TMEM178B: variants seen among roughly 807,000 people sequenced by gnomAD.
TMEM178B encodes transmembrane protein 178B.
A neutral mutation model predicts 31.0 loss-of-function variants in TMEM178B; 5 were observed. That is an observed-to-expected ratio of 0.16 (90% CI 0.08 to 0.34). The LOEUF (loss-of-function observed/expected upper bound fraction) is 0.34. Ranked by LOEUF, TMEM178B falls within the 10% of genes least tolerant of loss-of-function variation. TMEM178B has a pLI of 1.00. For missense variants in TMEM178B, 275 were observed against 400.3 expected (o/e 0.69, Z 2.67); for synonymous variants, 164 against 164.0 (o/e 1.00, Z 0.00).
intron 1 of TMEM178B, among the ~76,000 whole-genome samples, chr7:141,188,908 G>T (rs938657458): frequency 1.3e-5 from 2 of 152,244 alleles, no homozygotes; most frequent in Admixed American, 1.3e-4. Context: ...TGGTAATGCT[G>T]AGCTAGAAGG....
chr7:141,374,724 A>G (rs1302024364), intron 2 of TMEM178B, among the ~76,000 whole-genome samples: 2 of 151,868 alleles, frequency 1.3e-5, no homozygotes, highest in Non-Finnish European at 2.9e-5. Flanking sequence ...ACTTGATTTT[A>G]CTCCGGTGTT....
the TMEM178B span, among the ~76,000 whole-genome samples, chr7:141,503,611 A>C: frequency 1.1e-4 from 16 of 152,172 alleles, no homozygotes; most frequent in Non-Finnish European, 1.6e-4. Flanking sequence ...CATTTCTGTC[A>C]CCTGAAGAAA....
chr7:141,198,026 C>A (rs970517105), intron 1 of TMEM178B, among the ~76,000 whole-genome samples: 1 of 148,804 alleles, frequency 6.7e-6, no homozygotes, highest in African/African-American at 2.5e-5. Flanking sequence ...AACTCAGTTC[C>A]CCCCAGTTCT....
In TMEM178B at chr7:141,301,649, G is replaced by A. The variant is rs572371521; in HGVS notation, c.496+88945G>A. ...TTAATTATTCCAAGAGCAGTGTTTC[G>A]TAGGTGTGTGTGAAGGTCAGGAACA... On this transcript the variant is annotated intron_variant, in intron 2 of 3. Transcript: ENST00000565468. Among the ~76,000 whole-genome samples the A allele has an allele frequency of 7.9e-5, 12 of 152,260 alleles. 1 individual carries two copies. In the East Asian group the frequency reaches 9.6e-4, roughly 12 times the overall value.
In TMEM178B at chr7:141,165,620, C is replaced by T. The variant is rs372815022; in HGVS notation, c.383-46971C>T. Among the ~76,000 whole-genome samples, 68 of 152,322 alleles carry T rather than the reference C, an allele frequency of 4.5e-4. No homozygotes were observed. In the South Asian group the frequency reaches 0.014, roughly 31 times the overall value. ...AGCTCACACTCAAGGAAGGAACATT[C>T]AGCTCCACCTCCTGGAACCCCCTCC... On this transcript the variant is annotated intron_variant, in intron 1 of 3. Transcript: ENST00000565468.
At chr7:141,501,847 G>GCTCTCTCTCT in the TMEM178B span, among the ~76,000 whole-genome samples, 3 of 148,760 alleles carry the variant, frequency 2.0e-5, no homozygotes, top group Non-Finnish European at 3.0e-5. Context: ...AGTCTCTCAT[G>GCTCTCTCTCT]CTCTCTCTCT....
intron 2 of TMEM178B, among the ~76,000 whole-genome samples, chr7:141,375,069 T>C (rs146690684): frequency 6.6e-6 from 1 of 152,368 alleles, no homozygotes; most frequent in Non-Finnish European, 1.5e-5. Flanking sequence ...GACAGATACT[T>C]TCCCTTCAAG....
chr7:141,183,369 G>A (rs1162105027), intron 1 of TMEM178B, among the ~76,000 whole-genome samples: 1 of 152,158 alleles, frequency 6.6e-6, no homozygotes, highest in Non-Finnish European at 1.5e-5. Context: ...AATTAATTTG[G>A]TAAGTGGCAA....
intron 1 of TMEM178B, among the ~76,000 whole-genome samples, chr7:141,128,169 A>G (rs1795536416): frequency 1.3e-5 from 2 of 152,358 alleles, no homozygotes; most frequent in South Asian, 2.1e-4. Context: ...TAACAGGTGT[A>G]AACTGGGACT....
rs575369422 is a variant in TMEM178B, at chr7:141,216,423, C to CTGTGTGTGTGTGTG, written c.496+3732_496+3745dup. 5.1e-3 allele frequency among the ~76,000 whole-genome samples: 458 copies of CTGTGTGTGTGTGTG among 89,414 alleles called. 13 individuals carry two copies. The highest frequency in any genetic ancestry group is 0.029 in the South Asian group (88 of 3,032). The allele number at this position is 89,414 out of a possible 152,430, so 58.7% of individuals were successfully genotyped here. On this transcript the variant is annotated intron_variant, in intron 2 of 3. Coordinates refer to ENST00000565468, the MANE Select transcript of TMEM178B (RefSeq NM_001195278.2). Reference sequence around the variant, plus strand: ...GGGAGTAAAGGCCAGAGGATGAAGCCTGTGTGTGTGTGTGTGTGTGTGTGT... The same window carrying CTGTGTGTGTGTGTG: ...GGGAGTAAAGGCCAGAGGATGAAGCCTGTGTGTGTGTGTGTGTGTGTGTGTGTGTGTGTGTGTGT...
intron 2 of TMEM178B, among the ~76,000 whole-genome samples, chr7:141,405,732 A>G (rs1800874052): frequency 6.6e-6 from 1 of 152,148 alleles, no homozygotes; most frequent in Non-Finnish European, 1.5e-5. Context: ...CAGAGGGGAA[A>G]GGGTCTACAA....
At chr7:141,097,706 T>G (rs1198647975) in intron 1 of TMEM178B, among the ~76,000 whole-genome samples, 1 of 152,094 alleles carries the variant, frequency 6.6e-6, no homozygotes, top group African/African-American at 2.4e-5. Context: ...TGTACAGTAC[T>G]TCTTATATAA....
intron 1 of TMEM178B, among the ~76,000 whole-genome samples, chr7:141,131,545 T>G (rs202003836): frequency 2.7e-5 from 4 of 146,840 alleles, no homozygotes; most frequent in Admixed American, 2.0e-4. Context: ...CACTTTCGGG[T>G]TACGTATAAT....
intron 1 of TMEM178B, among the ~76,000 whole-genome samples, chr7:141,167,707 C>A (rs148846132): frequency 6.6e-6 from 1 of 152,184 alleles, no homozygotes; most frequent in Non-Finnish European, 1.5e-5. Context: ...GAATGTAGGG[C>A]AGCTCTCTTC....
At chr7:141,378,987 G>A (rs551883408) in intron 2 of TMEM178B, among the ~76,000 whole-genome samples, 2 of 152,224 alleles carry the variant, frequency 1.3e-5, no homozygotes, top group Admixed American at 6.5e-5. Flanking sequence ...TGCACAACAG[G>A]GGCACCAAGG....
At chr7:141,077,981 A>T (rs1794624764) in intron 1 of TMEM178B, among the ~76,000 whole-genome samples, 1 of 152,190 alleles carries the variant, frequency 6.6e-6, no homozygotes, top group Admixed American at 6.5e-5. Flanking sequence ...TTTATGATGG[A>T]TAAGGTTTTA....
chr7:141,463,815 T>C (rs182057896), intron 3 of TMEM178B, among the ~76,000 whole-genome samples: 31 of 152,164 alleles, frequency 2.0e-4, no homozygotes, highest in Admixed American at 1.9e-3. Context: ...GGAGTCAGGG[T>C]GATAAACGAG....
chr7:141,405,780 G>T (rs1042109516), intron 2 of TMEM178B, among the ~76,000 whole-genome samples: 1 of 152,172 alleles, frequency 6.6e-6, no homozygotes, highest in African/African-American at 2.4e-5. Context: ...TGTCAGTGGG[G>T]CTCCCCCTTG....
chr7:141,325,613 A>G (rs1201525858), intron 2 of TMEM178B, among the ~76,000 whole-genome samples: 1 of 152,180 alleles, frequency 6.6e-6, no homozygotes, highest in South Asian at 2.1e-4. Context: ...CAGGGCCCAG[A>G]GAAGGTGTAA....
Sources: gnomAD v4.1 joint callset for allele counts (sites outside exome capture counted in the v4.1 genomes callset) on GRCh38, gnomAD v4.1.1 for gene constraint, MANE v1.5 for transcripts, NCBI Gene and HGNC (gene_info 2026-07-23, HGNC 2026-07-21) for gene names.